Variants in TMEM168 observed in about 807,000 individuals in gnomAD.
TMEM168 encodes the protein transmembrane protein 168.
TMEM168 carries 40 observed loss-of-function variants against 53.2 expected under a neutral mutation model. The ratio of observed to expected loss-of-function variants is 0.75; its 90% CI spans 0.58 to 0.98. The LOEUF (loss-of-function observed/expected upper bound fraction) is 0.98. Ranked by LOEUF, TMEM168 falls within the 50% of genes least tolerant of loss-of-function variation. The probability of loss-of-function intolerance (pLI) is 0.00; values close to 1 mark genes in which losing one functional copy is unlikely to be tolerated. For missense variants in TMEM168, 771 were observed against 828.8 expected (o/e 0.93, Z 0.86); for synonymous variants, 282 against 293.0 (o/e 0.96, Z 0.38).
chr7:112,784,827 T>A lies in TMEM168; in HGVS notation c.-2A>T. 1 of 1,558,306 alleles carries A rather than the reference T, an allele frequency of 6.4e-7. No individual in the cohort carries two copies. The highest frequency in any genetic ancestry group is 8.6e-7 in the Non-Finnish European group (1 of 1,158,466). On this transcript the variant is annotated 5_prime_UTR_variant, in exon 2 of 5. Transcript: ENST00000312814. ...GCAATAACGCAGTGATTTACACATG[T>A]AACCAGCAATGTGGGCTTTTCCCTC...
chr7:112,772,291 T>G (rs556819632), intron 4 of TMEM168, among the ~76,000 whole-genome samples: 200 of 152,292 alleles, frequency 1.3e-3, no homozygotes, highest in Admixed American at 2.5e-3. Context: ...GTTAACTAAC[T>G]TGCCTAAAAT....
Position 112,784,207 on chromosome 7 carries a change from T to A in TMEM168, c.619A>T (p.Ile207Phe). 1 of 1,613,316 alleles carries A rather than the reference T, an allele frequency of 6.2e-7. No individual in the cohort carries two copies. Among genetic ancestry groups the A allele is most frequent in the Non-Finnish European group, 8.5e-7 (1 of 1,179,876 alleles). ...GAAAAAAATAACAAAACTGCAAAAA[T>A]AACTAAGTTTGGAATAGCTAAGAAA... ...KSFLAIPNLV[I>F]FAVLLFFSSL... Residue 207 changes from isoleucine to phenylalanine, a missense_variant, in exon 2 of 5, where the codon ATT (isoleucine) becomes TTT (phenylalanine). Coordinates refer to ENST00000312814, the MANE Select transcript of TMEM168 (RefSeq NM_022484.6).
At chr7:112,775,128 A>G in intron 3 of TMEM168, 48 bp downstream of exon 3, 1 of 1,433,980 alleles carries the variant, frequency 7.0e-7, no homozygotes, top group Non-Finnish European at 9.3e-7. Context: ...ATATTAAGAA[A>G]ATGTTATGAA....
Position 112,783,817 on chromosome 7 carries a change from A to C in TMEM168, c.1009T>G (p.Tyr337Asp), listed in dbSNP as rs753198790. Residue 337 changes from tyrosine (Y) to aspartate (D), a missense_variant, in exon 2 of 5, where the codon TAC (tyrosine) becomes GAC (aspartate). Physicochemically the swap from Tyr to Asp is radical, Grantham distance 160 (BLOSUM62 -3). Coordinates refer to ENST00000312814, the MANE Select transcript of TMEM168 (RefSeq NM_022484.6). The part of the protein sequence containing the change: ...HKVYFTHRTD[Y>D]NSLDRIMASK... ...GCCATGATTCTATCAAGGCTATTGT[A>C]ATCTGTCCTGTGAGTAAAATATACT... The C allele has an allele frequency of 6.2e-7, 1 of 1,607,850 alleles. No homozygotes were observed.
intron 3 of TMEM168, among the ~76,000 whole-genome samples, chr7:112,773,683 A>G (rs1247951116): frequency 6.6e-6 from 1 of 152,148 alleles, no homozygotes; most frequent in East Asian, 1.9e-4. Flanking sequence ...TCTAGTACAA[A>G]GATGATAAAG....
chr7:112,776,846 G>A (rs1793098804), intron 2 of TMEM168, among the ~76,000 whole-genome samples: 2 of 151,436 alleles, frequency 1.3e-5, no homozygotes, highest in Admixed American at 1.3e-4. Flanking sequence ...AGACCAAATG[G>A]CATTCCTATG....
At chr7:112,775,350 A>G (rs1471802664) in intron 2 of TMEM168, 32 bp from the exon 3 acceptor site, 1 of 1,596,920 alleles carries the variant, frequency 6.3e-7, no homozygotes, top group Non-Finnish European at 8.6e-7. Context: ...TTTACATAGT[A>G]CATGTACATA....
In TMEM168 at chr7:112,767,393, C is replaced by T; in HGVS notation, c.1898G>A (p.Ser633Asn). The T allele has an allele frequency of 6.2e-7, 1 of 1,614,156 alleles. No individual in the cohort carries two copies. The highest frequency in any genetic ancestry group is 1.1e-5 in the South Asian group (1 of 91,080). The stretch of plus-strand genomic sequence containing the variant: ...TAACATCCAGTGCTTGGCCACATCG[C>T]TTCCCGTTGGCAAATGCAGAGTGTA... The part of the protein sequence containing the change: ...SDYTLHLPTG[S>N]DVAKHWMLHF... Residue 633 changes from serine (S) to asparagine (N), a missense_variant, in exon 5 of 5, where the codon AGC (serine) becomes AAC (asparagine). By Grantham distance (46) the Ser-to-Asn change is conservative. Coordinates refer to ENST00000312814, the MANE Select transcript of TMEM168 (RefSeq NM_022484.6).
intron 4 of TMEM168, among the ~76,000 whole-genome samples, chr7:112,771,692 AACCT>A (rs1792933946): frequency 1.3e-5 from 2 of 152,050 alleles, no homozygotes; most frequent in Non-Finnish European, 2.9e-5. Flanking sequence ...TCTCTACCTT[AACCT>A]TTTTGTTTGT....
At chr7:112,775,600 G>C (rs1239949485) in intron 2 of TMEM168, among the ~76,000 whole-genome samples, 1 of 110,532 alleles carries the variant, frequency 9.0e-6, no homozygotes, top group Non-Finnish European at 2.0e-5. Context: ...ATCCAGACGA[G>C]AAAAAAAAAA....
Position 112,772,952 on chromosome 7 carries a change from T to C in TMEM168, c.1375A>G (p.Met459Val). The C allele has an allele frequency of 3.1e-6, 5 of 1,614,114 alleles. No homozygotes were observed. Among genetic ancestry groups the C allele is most frequent in the Non-Finnish European group, 4.2e-6 (5 of 1,179,968 alleles). ...NAIQRFFAYH[M>V]IETYGCDYST... is the part of the protein sequence containing the mutation. ...TAGTCACATCCATAGGTCTCAATCA[T>C]ATGATATGCAAAAAATCTTTGGATA... The change falls in exon 4 of 5, where the codon ATG becomes GTG. Residue 459 changes from methionine (M) to valine (V), a missense_variant. Coordinates refer to ENST00000312814, the MANE Select transcript of TMEM168 (RefSeq NM_022484.6).
chr7:112,789,310 G>A (rs1793478218), intron 1 of TMEM168, among the ~76,000 whole-genome samples: 2 of 151,140 alleles, frequency 1.3e-5, no homozygotes, highest in African/African-American at 4.9e-5. Flanking sequence ...TTTCCCACTA[G>A]ATCAAAAGGT....
chr7:112,784,984 A>T, intron 1 of TMEM168, 31 bp from the exon 2 acceptor site: 1 of 512,294 alleles, frequency 2.0e-6, no homozygotes, highest in Non-Finnish European at 3.1e-6. Flanking sequence ...TTTCAGAGTT[A>T]ATTTTATATA....
chr7:112,777,017 T>C (rs769300307), intron 2 of TMEM168, among the ~76,000 whole-genome samples: 2 of 152,118 alleles, frequency 1.3e-5, no homozygotes, highest in East Asian at 1.9e-4. Context: ...GTTAAATATT[T>C]TGCCCACCTT....
At chr7:112,789,051 C>A (rs1003528062) in intron 1 of TMEM168, among the ~76,000 whole-genome samples, 1 of 152,114 alleles carries the variant, frequency 6.6e-6, no homozygotes, top group Non-Finnish European at 1.5e-5. Flanking sequence ...TTATCTGTTA[C>A]CAGTTTTCCT....
chr7:112,775,744 A>G (rs1217029978), intron 2 of TMEM168, among the ~76,000 whole-genome samples: 1 of 152,180 alleles, frequency 6.6e-6, no homozygotes, highest in East Asian at 1.9e-4. Context: ...AGAGTGCTTT[A>G]GAAAGGGGTC....
chr7:112,787,713 A>ATTTTTTTTTTTTTTTTTTTT (rs71155069), intron 1 of TMEM168, among the ~76,000 whole-genome samples: 6 of 38,788 alleles, frequency 1.5e-4, no homozygotes, highest in Non-Finnish European at 1.8e-4. Flanking sequence ...TGCGACTGGC[A>ATTTTTTTTTTTTTTTTTTTT]TTTTTTTTTT....
chr7:112,762,806 TTCTC>T lies in TMEM168; in HGVS notation c.*4387_*4390del, dbSNP rs1792694249. On this transcript the variant is annotated 3_prime_UTR_variant, in exon 5 of 5. Transcript: ENST00000312814. ...AAATGTAAATTATCAACAGAATGGT[TTCTC>T]AAAACAATTACTGCTTAAACTTCAT... 1 of 152,046 alleles carries T rather than the reference TTCTC, an allele frequency of 6.6e-6. No individual in the cohort carries two copies. The highest frequency in any genetic ancestry group is 1.9e-4 in the East Asian group (1 of 5,198). The allele number at this position is 152,046 out of a possible 1,614,324, so 9.4% of individuals were successfully genotyped here.
Position 112,775,179 on chromosome 7 carries a change from C to A in TMEM168, c.1268G>T (p.Cys423Phe). The A allele has an allele frequency of 6.2e-7, 1 of 1,604,318 alleles. No individual in the cohort carries two copies. Among genetic ancestry groups the A allele is most frequent in the Non-Finnish European group, 8.5e-7 (1 of 1,175,532 alleles). Residue 423 changes from cysteine to phenylalanine, a missense_variant, in exon 3 of 5, where the codon TGC (cysteine) becomes TTC (phenylalanine). Cys to Phe is a radical substitution (Grantham distance 205, BLOSUM62 -2). Coordinates refer to ENST00000312814, the MANE Select transcript of TMEM168 (RefSeq NM_022484.6). Reference sequence around the variant, plus strand: ...TAACTATACTAGATTACTGTACCTGCAGAAGTTGGTGGGAATCACAATAGC... The same window carrying A: ...TAACTATACTAGATTACTGTACCTGAAGAAGTTGGTGGGAATCACAATAGC... ...GYAIVIPTNF[C>F]SPDGQPTLLP...
Sources: allele counts gnomAD v4.1 joint callset (sites outside exome capture counted in the v4.1 genomes callset), GRCh38; gene constraint gnomAD v4.1.1; transcripts MANE v1.5; gene names NCBI Gene and HGNC (gene_info 2026-07-23, HGNC 2026-07-21).